The following TSGA10 variants were observed in gnomAD, a reference collection of about 807,000 sequenced individuals.
The protein encoded by TSGA10 is testis-specific gene 10 protein.
A neutral mutation model predicts 96.6 loss-of-function variants in TSGA10; 43 were observed. The ratio of observed to expected loss-of-function variants is 0.44; its 90% CI spans 0.35 to 0.57. The LOEUF (loss-of-function observed/expected upper bound fraction) is 0.57. Ranked by LOEUF, TSGA10 falls within the 20% of genes least tolerant of loss-of-function variation. TSGA10 has a pLI of 0.01. For missense variants in TSGA10, 703 were observed against 834.4 expected (o/e 0.84, Z 1.94); for synonymous variants, 229 against 269.9 (o/e 0.85, Z 1.48).
intron 14 of TSGA10, among the ~76,000 whole-genome samples, chr2:99,070,777 G>A (rs186698752): frequency 6.6e-6 from 1 of 152,010 alleles, no homozygotes; most frequent in Non-Finnish European, 1.5e-5. Flanking sequence ...TTTTAGAATA[G>A]TTTTAGATTT....
At chr2:99,030,240 G>C (rs948782881) in intron 17 of TSGA10, among the ~76,000 whole-genome samples, 1 of 152,110 alleles carries the variant, frequency 6.6e-6, no homozygotes, top group African/African-American at 2.4e-5. Flanking sequence ...CCAGCTACTC[G>C]GGAGGTTGAG....
intron 19 of TSGA10, 74 bp downstream of exon 19, chr2:99,018,462 C>T: frequency 6.4e-7 from 1 of 1,567,008 alleles, no homozygotes; most frequent in Non-Finnish European, 8.7e-7. Context: ...GAACTAAAAC[C>T]TCTTGTTACC....
chr2:99,138,812 A>G (rs755101345), intron 1 of TSGA10, among the ~76,000 whole-genome samples: 3 of 152,236 alleles, frequency 2.0e-5, no homozygotes, highest in Non-Finnish European at 4.4e-5. Flanking sequence ...AGACTCTATA[A>G]GGTCCTTGGA....
chr2:99,091,459 T>C (rs1362493059), intron 10 of TSGA10, among the ~76,000 whole-genome samples: 3 of 152,100 alleles, frequency 2.0e-5, no homozygotes, highest in South Asian at 2.1e-4. Flanking sequence ...CACATCTCAA[T>C]AGAAACATTG....
At chr2:99,032,425 A>G (rs1042010729) in intron 17 of TSGA10, among the ~76,000 whole-genome samples, 1 of 152,258 alleles carries the variant, frequency 6.6e-6, no homozygotes, top group African/African-American at 2.4e-5. Flanking sequence ...AGGTAGATTC[A>G]CATTCTCCAA....
chr2:99,035,482 T>A, intron 16 of TSGA10, 43 bp from the exon 17 acceptor site: 1 of 1,327,748 alleles, frequency 7.5e-7, no homozygotes, highest in Non-Finnish European at 1.0e-6. Flanking sequence ...ACATATATAT[T>A]AAACTGGAAG....
chr2:99,087,204 A>G (rs946274241), intron 10 of TSGA10, among the ~76,000 whole-genome samples: 8 of 147,248 alleles, frequency 5.4e-5, no homozygotes, highest in African/African-American at 2.0e-4. Context: ...ACTCCGTCTC[A>G]AAAAAAAAAA....
chr2:99,113,200 C>T (rs1034220024), intron 4 of TSGA10, among the ~76,000 whole-genome samples: 3 of 152,102 alleles, frequency 2.0e-5, no homozygotes, highest in African/African-American at 7.2e-5. Flanking sequence ...TTCTAATACT[C>T]CTTCCTTCAA....
At chr2:99,112,263 G>A (rs1358534567) in intron 4 of TSGA10, among the ~76,000 whole-genome samples, 1 of 151,952 alleles carries the variant, frequency 6.6e-6, no homozygotes, top group East Asian at 1.9e-4. Context: ...ATATATTCTA[G>A]CCAAAAAAAG....
At chr2:99,089,327 GA>G (rs1430006165) in intron 10 of TSGA10, among the ~76,000 whole-genome samples, 2 of 152,200 alleles carry the variant, frequency 1.3e-5, no homozygotes, top group African/African-American at 4.8e-5. Context: ...GAGGAACTGG[GA>G]AAAGACCACA....
chr2:99,051,882 T>C (rs918634015), intron 16 of TSGA10, among the ~76,000 whole-genome samples: 2 of 151,600 alleles, frequency 1.3e-5, no homozygotes, highest in Non-Finnish European at 2.9e-5. Context: ...AAATAACCAA[T>C]GGGACAAAGA....
Position 99,035,229 on chromosome 2 carries a change from C to T in TSGA10, c.1614+1G>A, listed in dbSNP as rs928628984. 1.3e-6 allele frequency: 2 copies of T among 1,599,714 alleles called. No individual in the cohort carries two copies. The highest frequency in any genetic ancestry group is 3.4e-5 in the Admixed American group (2 of 59,262). On this transcript the variant is annotated splice_donor_variant, in intron 17 of 20. Transcript: ENST00000393483. LOFTEE classifies it high-confidence loss of function. ...AAAGATTTTTAAAATATATTACATA[C>T]CATTTCTATTTCTTGATCTTTAGCA...
chr2:99,110,766 T>C (rs987781149), intron 5 of TSGA10, 84 bp downstream of exon 5: 1 of 280,660 alleles, frequency 3.6e-6, no homozygotes, highest in Non-Finnish European at 5.4e-6. Flanking sequence ...ACAAAACGTG[T>C]GAGAGCCAAA....
In TSGA10 at chr2:98,997,893, T is replaced by C. The variant is rs1256494159; in HGVS notation, c.*304A>G. ...GCAGTTTTGTAAAAACACTTTTCCCTGTTTTAATAAGCTTCTTTATTTACT... is the reference window on the plus strand; with the variant it reads ...GCAGTTTTGTAAAAACACTTTTCCCCGTTTTAATAAGCTTCTTTATTTACT... On this transcript the variant is annotated 3_prime_UTR_variant, in exon 21 of 21. Coordinates refer to ENST00000393483, the MANE Select transcript of TSGA10 (RefSeq NM_025244.4). 2 of 267,162 alleles carry C rather than the reference T, an allele frequency of 7.5e-6. No individual in the cohort carries two copies. Among genetic ancestry groups the C allele is most frequent in the East Asian group, 6.6e-5 (1 of 15,080 alleles). The allele number at this position is 267,162 out of a possible 1,614,324, so 16.5% of individuals were successfully genotyped here.
chr2:99,115,887 CA>C (rs1418875413), intron 4 of TSGA10, among the ~76,000 whole-genome samples: 1 of 151,986 alleles, frequency 6.6e-6, no homozygotes, highest in African/African-American at 2.4e-5. Flanking sequence ...TCAACAACAA[CA>C]AAAAAGTTCT....
chr2:99,139,931 C>T (rs1418611891), intron 1 of TSGA10, among the ~76,000 whole-genome samples: 3 of 152,068 alleles, frequency 2.0e-5, no homozygotes, highest in South Asian at 2.1e-4. Flanking sequence ...ATAGTAATAC[C>T]TCTAACTGCC....
At chr2:99,058,776 G>T (rs1025979454) in intron 16 of TSGA10, among the ~76,000 whole-genome samples, 6 of 151,892 alleles carry the variant, frequency 4.0e-5, no homozygotes, top group Admixed American at 1.3e-4. Context: ...GGTGGCTCAC[G>T]CCTGTAATCC....
At chr2:99,121,135 A>G (rs887282141) in intron 2 of TSGA10, among the ~76,000 whole-genome samples, 10 of 152,300 alleles carry the variant, frequency 6.6e-5, no homozygotes, top group African/African-American at 2.2e-4. Flanking sequence ...TGAGTAGGAT[A>G]TAAGTTTTGA....
chr2:99,133,061 TTC>T (rs1451495674), intron 1 of TSGA10, among the ~76,000 whole-genome samples: 2 of 152,220 alleles, frequency 1.3e-5, no homozygotes, highest in African/African-American at 4.8e-5. Context: ...AGAATGTATA[TTC>T]TGTTGAGTTG....
Sources: gnomAD v4.1 joint callset for allele counts (sites outside exome capture counted in the v4.1 genomes callset) on GRCh38, gnomAD v4.1.1 for gene constraint, MANE v1.5 for transcripts, NCBI Gene and HGNC (gene_info 2026-07-23, HGNC 2026-07-21) for gene names.